Variants in GMPS observed in about 807,000 individuals in gnomAD.
GMPS encodes the protein GMP synthase [glutamine-hydrolyzing].
A neutral mutation model predicts 77.9 loss-of-function variants in GMPS; 15 were observed. The ratio of observed to expected loss-of-function variants is 0.19; its 90% CI spans 0.13 to 0.30. The LOEUF is 0.30. GMPS is among the 10% of genes least tolerant of loss of function. The pLI is 1.00. For synonymous variants in GMPS, 224 were observed against 275.9 expected (o/e 0.81, Z 1.86); for missense variants, 590 against 838.8 (o/e 0.70, Z 3.66).
At chr3:155,918,565 C>G (rs939844245) in intron 9 of GMPS, among the ~76,000 whole-genome samples, 2 of 152,098 alleles carry the variant, frequency 1.3e-5, no homozygotes, top group Admixed American at 1.3e-4. Context: ...CATGTTCTTG[C>G]TTATTGGCCA....
rs1466809869 is a variant in GMPS, at chr3:155,935,062, T to A, written c.1807+16T>A. ...AGGGAGTCTGGTAAGTTGCTCATGT[T>A]TTTGATTACTACCCTCTGAAACTAG... On this transcript the variant is annotated intron_variant, in intron 14 of 15. Coordinates refer to ENST00000496455, the MANE Select transcript of GMPS (RefSeq NM_003875.3). 4 of 1,587,902 alleles carry A rather than the reference T, an allele frequency of 2.5e-6. No individual in the cohort carries two copies. In the Admixed American group the frequency reaches 6.7e-5, roughly 26 times the overall value.
Position 155,916,082 on chromosome 3 carries a change from A to G in GMPS, c.1102A>G (p.Thr368Ala). Reference protein sequence around the residue: ...KPEEVFLAQGTLRPDLIESAS... With the variant: ...KPEEVFLAQGALRPDLIESAS... ...AGAGGAGGTTTTCCTTGCCCAAGGT[A>G]CTTTACGGCCTGATCTAATTGAAAG... The change falls in exon 9 of 16, where the codon ACT (threonine) becomes GCT (alanine). Residue 368 changes from threonine (T) to alanine (A), a missense_variant. Transcript: ENST00000496455. 1 of 1,613,260 alleles carries G rather than the reference A, an allele frequency of 6.2e-7. No individual in the cohort carries two copies. Among genetic ancestry groups the G allele is most frequent in the Non-Finnish European group, 8.5e-7 (1 of 1,179,206 alleles).
chr3:155,892,592 C>T lies in GMPS; in HGVS notation c.28-926C>T, dbSNP rs180685479. 1.1e-3 allele frequency among the ~76,000 whole-genome samples: 161 copies of T among 152,280 alleles called. 1 individual carries two copies. The highest frequency in any genetic ancestry group is 1.6e-3 in the Admixed American group (24 of 15,302). ...AATTAACCTTTCAGAAAAGTGTTAT[C>T]CATGTATACCTGACAGCAATCAGAT... On this transcript the variant is annotated intron_variant, in intron 1 of 15. Coordinates refer to ENST00000496455, the MANE Select transcript of GMPS (RefSeq NM_003875.3).
intron 1 of GMPS, among the ~76,000 whole-genome samples, chr3:155,890,167 A>G (rs1312151714): frequency 6.6e-6 from 1 of 152,260 alleles, no homozygotes; most frequent in Non-Finnish European, 1.5e-5. Context: ...TACCCACAGT[A>G]GAAGGAAATA....
rs924439013 is a variant in GMPS at position 155,943,168 on chromosome 3, T to C, written c.*5476T>C. On this transcript the variant is annotated 3_prime_UTR_variant, in exon 16 of 16. Transcript: ENST00000496455. The stretch of plus-strand genomic sequence containing the variant: ...ATCACTTAAACCCGGGAGATGGAGG[T>C]TGCAGTGAGCAGAGATTGCGCCACT... 1 of 177,386 alleles carries C rather than the reference T, an allele frequency of 5.6e-6. No individual in the cohort carries two copies. Among genetic ancestry groups the C allele is most frequent in the East Asian group, 9.6e-5 (1 of 10,466 alleles). 11.0% of individuals were successfully genotyped at this position (177,386 alleles called of 1,614,324 possible). A position where few individuals can be genotyped will look rare whatever the true frequency, so the allele number is the denominator to read the frequency against.
intron 2 of GMPS, 148 bp downstream of exon 2, chr3:155,893,847 G>A: frequency 2.0e-6 from 1 of 508,632 alleles, no homozygotes; most frequent in African/African-American, 2.0e-5. Flanking sequence ...GATTTGGGGA[G>A]AAAAAGGAAA....
chr3:155,932,905 A>C (rs1374841928), intron 13 of GMPS, among the ~76,000 whole-genome samples: 2 of 152,218 alleles, frequency 1.3e-5, no homozygotes, highest in African/African-American at 4.8e-5. Flanking sequence ...ATCTTCAATA[A>C]TGGGGGCCAG....
chr3:155,936,608 GT>G lies in GMPS; in HGVS notation c.1980+100del, dbSNP rs570977656. The stretch of plus-strand genomic sequence containing the variant: ...GCTATGCCAGTGCTGTATTTCTTAT[GT>G]TGGTTTTCTGTTCATAAGATAGGCT... On this transcript the variant is annotated intron_variant, in intron 15 of 15. Coordinates refer to ENST00000496455, the MANE Select transcript of GMPS (RefSeq NM_003875.3). 193 of 705,796 alleles carry G rather than the reference GT, an allele frequency of 2.7e-4. 1 individual carries two copies. In the African/African-American group the frequency reaches 3.2e-3, roughly 12 times the overall value. The allele number at this position is 705,796 out of a possible 1,614,324, so 43.7% of individuals were successfully genotyped here. A position where few individuals can be genotyped will look rare whatever the true frequency, so the allele number is the denominator to read the frequency against.
intron 1 of GMPS, among the ~76,000 whole-genome samples, chr3:155,884,486 C>T (rs956212073): frequency 6.6e-6 from 1 of 151,924 alleles, no homozygotes; most frequent in South Asian, 2.1e-4. Flanking sequence ...GAGAACTGGT[C>T]ACATACGTAT....
intron 5 of GMPS, among the ~76,000 whole-genome samples, chr3:155,906,749 A>G (rs1754905130): frequency 1.3e-5 from 2 of 152,136 alleles, no homozygotes; most frequent in Admixed American, 1.3e-4. Flanking sequence ...CCAGGAGCTA[A>G]GAATGATTTT....
At chr3:155,880,097 T>C (rs1225680768) in intron 1 of GMPS, among the ~76,000 whole-genome samples, 2 of 152,186 alleles carry the variant, frequency 1.3e-5, no homozygotes, top group Admixed American at 1.3e-4. Context: ...ATTTATTTCT[T>C]CTTTTGTCAC....
intron 7 of GMPS, among the ~76,000 whole-genome samples, chr3:155,913,186 A>G (rs1473600176): frequency 6.6e-6 from 1 of 152,226 alleles, no homozygotes; most frequent in Non-Finnish European, 1.5e-5. Flanking sequence ...TTCTCTGGGT[A>G]GTTGACCAGG....
At chr3:155,933,060 T>C in intron 13 of GMPS, among the ~76,000 whole-genome samples, 1 of 152,038 alleles carries the variant, frequency 6.6e-6, no homozygotes, top group Non-Finnish European at 1.5e-5. Flanking sequence ...GGCATGGTGG[T>C]GTGTGCCTGT....
intron 1 of GMPS, among the ~76,000 whole-genome samples, chr3:155,876,365 A>G (rs531606951): frequency 1.3e-5 from 2 of 152,328 alleles, no homozygotes; most frequent in African/African-American, 4.8e-5. Context: ...ACTTGATTTT[A>G]TTAGAAAAGA....
chr3:155,883,228 C>A (rs971499685), intron 1 of GMPS, among the ~76,000 whole-genome samples: 1 of 152,058 alleles, frequency 6.6e-6, no homozygotes, highest in East Asian at 1.9e-4. Context: ...TGCGCCACCA[C>A]GCCTAGCTAA....
chr3:155,926,955 G>T (rs977285164), intron 12 of GMPS, among the ~76,000 whole-genome samples: 1 of 151,804 alleles, frequency 6.6e-6, no homozygotes, highest in Non-Finnish European at 1.5e-5. Flanking sequence ...CGGAGGTTGC[G>T]GTGGGCCAAG....
At chr3:155,926,799 C>T (rs1380357322) in intron 12 of GMPS, among the ~76,000 whole-genome samples, 1 of 151,774 alleles carries the variant, frequency 6.6e-6, no homozygotes, top group Non-Finnish European at 1.5e-5. Flanking sequence ...CTGAGGCAGG[C>T]GGATCACCTG....
At chr3:155,875,907 TA>T (rs1754040290) in intron 1 of GMPS, among the ~76,000 whole-genome samples, 1 of 152,154 alleles carries the variant, frequency 6.6e-6, no homozygotes, top group Non-Finnish European at 1.5e-5. Flanking sequence ...ATACACTCAT[TA>T]AGATTGTTAT....
At chr3:155,936,156 G>A (rs1331207326) in intron 14 of GMPS, among the ~76,000 whole-genome samples, 182 bp from the exon 15 acceptor site, 4 of 152,050 alleles carry the variant, frequency 2.6e-5, no homozygotes, top group Non-Finnish European at 5.9e-5. Context: ...TCTGTTTTTT[G>A]CATTTGTGAT....
Sources: gnomAD v4.1 joint callset for allele counts (sites outside exome capture counted in the v4.1 genomes callset) on GRCh38, gnomAD v4.1.1 for gene constraint, MANE v1.5 for transcripts, NCBI Gene and HGNC (gene_info 2026-07-23, HGNC 2026-07-21) for gene names.